The following TBL1X variants were observed in gnomAD, a reference collection of about 807,000 sequenced individuals.
The protein encoded by TBL1X is transducin beta like 1 X-linked.
A neutral mutation model predicts 50.7 loss-of-function variants in TBL1X; 10 were observed. That is an observed-to-expected ratio of 0.20 (90% CI 0.12 to 0.33). The LOEUF (loss-of-function observed/expected upper bound fraction) is 0.33, where lower values mean the gene tolerates loss of function less well. Among genes scored for constraint, TBL1X ranks in the 10% least tolerant of loss-of-function variants. The pLI, the probability that TBL1X is intolerant of heterozygous loss-of-function variation, is 1.00. For missense variants in TBL1X, 340 were observed against 504.4 expected, an observed-to-expected ratio of 0.67 and a Z score of 3.12; for synonymous variants, 190 against 214.7, an observed-to-expected ratio of 0.88 and a Z score of 1.01.
At chrX:9,597,486 C>G (rs1011087966) in intron 2 of TBL1X, among the ~76,000 whole-genome samples, 8 of 111,995 alleles carry the variant, frequency 7.1e-5, no homozygotes, top group African/African-American at 2.6e-4. Context: ...CATTTTTCCT[C>G]CCAGAGACAT....
chrX:9,593,326 C>A (rs1054475328), intron 2 of TBL1X, among the ~76,000 whole-genome samples: 1 of 109,715 alleles, frequency 9.1e-6, no homozygotes, highest in Non-Finnish European at 1.9e-5. Flanking sequence ...CGCTTGAACC[C>A]GGGAGGCAGA....
chrX:9,505,026 C>T (rs1020463249), intron 2 of TBL1X, among the ~76,000 whole-genome samples: 3 of 111,287 alleles, frequency 2.7e-5, no homozygotes, highest in Non-Finnish European at 5.6e-5. Flanking sequence ...TTTCCAAGGT[C>T]GAAATGAAGG....
At chrX:9,621,245 A>G (rs1414377288) in intron 2 of TBL1X, among the ~76,000 whole-genome samples, 4 of 111,557 alleles carry the variant, frequency 3.6e-5, no homozygotes, top group Non-Finnish European at 1.9e-5. Flanking sequence ...CGTTCACTGG[A>G]GAGACCCATG....
intron 2 of TBL1X, among the ~76,000 whole-genome samples, chrX:9,566,680 ATG>A (rs1325901232): frequency 1.9e-4 from 21 of 112,336 alleles, no homozygotes; most frequent in Non-Finnish European, 5.6e-5. Context: ...TGGAGTTGAA[ATG>A]TTAATCATTA....
chrX:9,635,437 A>AT (rs1389947172), intron 2 of TBL1X, among the ~76,000 whole-genome samples: 2 of 110,004 alleles, frequency 1.8e-5, no homozygotes, highest in Non-Finnish European at 3.8e-5. Flanking sequence ...AAAAAAAAAA[A>AT]CTTGGCTCCA....
intron 2 of TBL1X, among the ~76,000 whole-genome samples, chrX:9,628,554 C>CTTT (rs3043949): frequency 0.043 from 4,410 of 102,601 alleles, 261 homozygotes; most frequent in African/African-American, 0.15. Context: ...TTTTTCTTTT[C>CTTT]TTTTTTTTTT....
chrX:9,470,994 C>T (rs1274399192), intron 1 of TBL1X, among the ~76,000 whole-genome samples: 1 of 112,249 alleles, frequency 8.9e-6, no homozygotes, highest in African/African-American at 3.2e-5. Flanking sequence ...CCAAAAGGTA[C>T]TTCATATGTG....
chrX:9,503,896 G>A (rs767247866), intron 2 of TBL1X, among the ~76,000 whole-genome samples: 1 of 112,285 alleles, frequency 8.9e-6, no homozygotes, highest in East Asian at 2.8e-4. Flanking sequence ...CCAGATGAGT[G>A]GGTTTCCCCC....
intron 2 of TBL1X, among the ~76,000 whole-genome samples, chrX:9,565,520 A>G (rs1323994400): frequency 9.0e-6 from 1 of 111,449 alleles, no homozygotes; most frequent in Non-Finnish European, 1.9e-5. Flanking sequence ...AGTATCACAA[A>G]CAGACTATTT....
intron 6 of TBL1X, among the ~76,000 whole-genome samples, chrX:9,685,330 G>A (rs1267124462): frequency 1.8e-5 from 2 of 111,623 alleles, no homozygotes; most frequent in African/African-American, 6.5e-5. Context: ...TCACACTGTT[G>A]CCCAGGCTAG....
intron 2 of TBL1X, among the ~76,000 whole-genome samples, chrX:9,557,760 G>A (rs143751706): frequency 2.6e-4 from 29 of 111,853 alleles, no homozygotes; most frequent in East Asian, 2.0e-3. Flanking sequence ...TCGGTGACAT[G>A]ACAAGGGAGT....
intron 2 of TBL1X, among the ~76,000 whole-genome samples, chrX:9,511,995 G>C (rs1322667086): frequency 9.0e-6 from 1 of 111,398 alleles, no homozygotes; most frequent in African/African-American, 3.3e-5. Flanking sequence ...CAAGTAGTTG[G>C]GATTACAGAC....
chrX:9,653,435 G>A (rs761266539), intron 3 of TBL1X, 110 bp from the exon 4 acceptor site: 1 of 472,164 alleles, frequency 2.1e-6, no homozygotes, highest in East Asian at 4.0e-5. Flanking sequence ...CCAGATTTCT[G>A]CCTGCCTTCT....
chrX:9,554,558 A>G (rs906930413), intron 2 of TBL1X, among the ~76,000 whole-genome samples: 1 of 112,337 alleles, frequency 8.9e-6, no homozygotes, highest in Non-Finnish European at 1.9e-5. Flanking sequence ...GAGGAAATAC[A>G]CTTACTTAAA....
intron 5 of TBL1X, among the ~76,000 whole-genome samples, chrX:9,667,251 A>G (rs1339878040): frequency 9.0e-6 from 1 of 111,335 alleles, no homozygotes; most frequent in East Asian, 2.8e-4. Context: ...ACAGAGCGAG[A>G]CTCCGTTCCC....
rs905326815 is a variant in TBL1X at position 9,717,774 on chromosome X, G to A, written c.*1528G>A. ...GCGCCCGCATGTCACTTAGTCTAAC[G>A]CTGACAGAAATGAATGCAGAAGGAA... On this transcript the variant is annotated 3_prime_UTR_variant, in exon 18 of 18. Transcript: ENST00000645353. The A allele has an allele frequency of 4.4e-5, 5 of 112,389 alleles. No individual in the cohort carries two copies. Among genetic ancestry groups the A allele is most frequent in the African/African-American group, 1.6e-4 (5 of 30,957 alleles). 9.3% of individuals were successfully genotyped at this position (112,389 alleles called of 1,213,427 possible).
Position 9,688,139 on chromosome X carries a change from T to TGCGGCGGCG in TBL1X, c.489_497dup (p.Ala166_Ala168dup). On this transcript the variant is annotated inframe_insertion, in exon 7 of 18. Coordinates refer to ENST00000645353, the MANE Select transcript of TBL1X (RefSeq NM_005647.4). ...AGAAGCTCGCTCAGCAGCAAGCCAG[T>TGCGGCGGCG]GCGGCGGCGGCGGCGGCTGCGGCCA... is the stretch of plus-strand genomic sequence containing the variant. 1.7e-6 allele frequency: 2 copies of TGCGGCGGCG among 1,203,078 alleles called. No homozygotes were observed. Among genetic ancestry groups the TGCGGCGGCG allele is most frequent in the Non-Finnish European group, 1.1e-6 (1 of 891,312 alleles).
rs1289652924 is a variant in TBL1X, at chrX:9,474,895, G to A, written c.-201+9448G>A. ...GTTATTTGTTTGTTTGTTTTTTGAGGCAGAGTCTCACTCTGTCGCCTAGGC... is the reference window on the plus strand; with the variant it reads ...GTTATTTGTTTGTTTGTTTTTTGAGACAGAGTCTCACTCTGTCGCCTAGGC... On this transcript the variant is annotated intron_variant, in intron 1 of 17. Transcript: ENST00000645353. 3.3e-4 allele frequency among the ~76,000 whole-genome samples: 37 copies of A among 112,194 alleles called. No homozygotes were observed. In the Admixed American group the frequency reaches 3.5e-3, roughly 11 times the overall value.
At chrX:9,668,906 G>T (rs2082945499) in intron 5 of TBL1X, among the ~76,000 whole-genome samples, 1 of 111,518 alleles carries the variant, frequency 9.0e-6, no homozygotes, top group African/African-American at 3.3e-5. Context: ...GTGGAGGAAA[G>T]AGCCTATTAT....
Sources: gnomAD v4.1 joint callset for allele counts (sites outside exome capture counted in the v4.1 genomes callset) on GRCh38, gnomAD v4.1.1 for gene constraint, MANE v1.5 for transcripts, NCBI Gene and HGNC (gene_info 2026-07-23, HGNC 2026-07-21) for gene names.